The following GRID2IP variants were observed in gnomAD, a reference collection of about 807,000 sequenced individuals.
GRID2IP encodes the protein Grid2 interacting protein.
Under a neutral mutation model 114.3 loss-of-function variants are expected in GRID2IP, and 78 were observed. That is an observed-to-expected ratio of 0.68 (90% CI 0.57 to 0.82). The LOEUF (loss-of-function observed/expected upper bound fraction) is 0.82. Among genes scored for constraint, GRID2IP ranks in the 40% least tolerant of loss-of-function variants. GRID2IP has a pLI of 0.00. For synonymous variants in GRID2IP, 809 were observed against 724.0 expected (o/e 1.12, Z -1.89); for missense variants, 1,727 against 1,678.5 (o/e 1.03, Z -0.51).
At chr7:6,547,256 T>G (rs1779901049) in intron 1 of GRID2IP, among the ~76,000 whole-genome samples, 1 of 152,150 alleles carries the variant, frequency 6.6e-6, no homozygotes, top group Admixed American at 6.5e-5. Context: ...GTTGTTGATT[T>G]TGGGTCAGGC....
rs1779455747 is a variant in GRID2IP, at chr7:6,523,759, A to G, written c.920-1802T>C. ...GACTGGTCTCAAACTCCTGGGCTCA[A>G]GTGATCTTCCTGCCTCGGCCTCCCA... On this transcript the variant is annotated intron_variant, in intron 4 of 21. Coordinates refer to ENST00000457091, the MANE Select transcript of GRID2IP (RefSeq NM_001145118.2). The surrounding 1 kb of genome is among the most constrained non-coding windows in gnomAD (Gnocchi z 4.5). Among the ~76,000 whole-genome samples the G allele has an allele frequency of 6.6e-6, 1 of 152,036 alleles. No homozygotes were observed. Among genetic ancestry groups the G allele is most frequent in the African/African-American group, 2.4e-5 (1 of 41,414 alleles).
intron 14 of GRID2IP, among the ~76,000 whole-genome samples, chr7:6,505,316 T>C (rs530459606): frequency 6.6e-6 from 1 of 150,768 alleles, no homozygotes; most frequent in Non-Finnish European, 1.5e-5. Flanking sequence ...GATTTAGAAA[T>C]GAGAGTCCCT....
chr7:6,550,895 T>C (rs1353683390), intron 1 of GRID2IP, 113 bp downstream of exon 1: 4 of 1,152,140 alleles, frequency 3.5e-6, no homozygotes, highest in African/African-American at 1.6e-5. Flanking sequence ...CTGTTAAATC[T>C]GACCCCAGAA....
chr7:6,529,267 G>A (rs1355594326), intron 2 of GRID2IP, among the ~76,000 whole-genome samples: 3 of 152,072 alleles, frequency 2.0e-5, no homozygotes, highest in African/African-American at 7.2e-5. Context: ...CCTGGCCAAA[G>A]TGGTGAAACC....
At position 6,551,052 on chromosome 7, in the gene GRID2IP, C is replaced by G; in HGVS notation, c.385G>C (p.Val129Leu). 1 of 1,307,794 alleles carries G rather than the reference C, an allele frequency of 7.6e-7. No individual in the cohort carries two copies. The highest frequency in any genetic ancestry group is 2.2e-5 in the South Asian group (1 of 45,382). 81.0% of individuals were successfully genotyped at this position (1,307,794 alleles called of 1,614,324 possible). The change falls in exon 1 of 22, where the codon GTG becomes CTG. Residue 129 changes from valine to leucine, a missense_variant. Transcript: ENST00000457091. Reference protein sequence around the residue: ...RLAGRKRPDAVHRERRRKAQE... With the variant: ...RLAGRKRPDALHRERRRKAQE... ...GCCTTGCGCCTGCGCTCTCGGTGCA[C>G]CGCGTCCGGGCGCTTGCGGCCGGCC...
In GRID2IP at chr7:6,503,166, G is replaced by A. The variant is rs543440511; in HGVS notation, c.2908-3C>T. ...TTGTATTCGGGAACTGACAGCATCT[G>A]CCTCGAAGGCAGAGCCAGGATTCAC... On this transcript the variant is annotated splice_region_variant and splice_polypyrimidine_tract_variant and intron_variant, in intron 16 of 21. Transcript: ENST00000457091. 1.3e-4 allele frequency: 197 copies of A among 1,476,948 alleles called. No individual in the cohort carries two copies. The South Asian group carries it at 2.3e-3, about 17-fold the overall frequency. 91.5% of individuals were successfully genotyped at this position (1,476,948 alleles called of 1,614,324 possible).
At position 6,510,695 on chromosome 7, in the gene GRID2IP, A is replaced by G. The variant is rs1779128920; in HGVS notation, c.1567T>C (p.Cys523Arg). 6.5e-7 allele frequency: 1 copy of G among 1,547,714 alleles called. No individual in the cohort carries two copies. The change falls in exon 10 of 22, where the codon TGC becomes CGC. Residue 523 changes from cysteine to arginine, a missense_variant. Transcript: ENST00000457091. ...ATCAGGGGAAGAGGCATCTCAGGGC[A>G]CTCGCTGGGACCTACCGGGGAATAA... ...EAGLSCGPSECPEMPLPLIPG... is the reference protein window; with the variant it reads ...EAGLSCGPSERPEMPLPLIPG...
At chr7:6,541,589 C>A (rs1373583349) in intron 1 of GRID2IP, among the ~76,000 whole-genome samples, 19 of 152,106 alleles carry the variant, frequency 1.2e-4, no homozygotes, top group Non-Finnish European at 7.4e-5. Flanking sequence ...CAAATGGACA[C>A]GTTGGAAACG....
intron 4 of GRID2IP, among the ~76,000 whole-genome samples, chr7:6,524,425 A>AG (rs1029480864): frequency 3.5e-4 from 54 of 152,210 alleles, no homozygotes; most frequent in African/African-American, 1.3e-3. Flanking sequence ...ACAGGGAGGG[A>AG]GAATTCAATT....
rs1779250911 is a variant in GRID2IP at position 6,514,432 on chromosome 7, C to G, written c.1366G>C (p.Glu456Gln). The G allele has an allele frequency of 6.5e-7, 1 of 1,549,456 alleles. No individual in the cohort carries two copies. Among genetic ancestry groups the G allele is most frequent in the African/African-American group, 1.4e-5 (1 of 73,022 alleles). Residue 456 changes from glutamate (E) to glutamine (Q), a missense_variant, in exon 8 of 22, where the codon GAG becomes CAG. Transcript: ENST00000457091. ...ATTTTCTCCTGACAGAGCTCCTGCT[C>G]CTCATAGGTCAGCAGCTGGTAGATG... Reference protein sequence around the residue: ...QFIYQLLTYEEQELCQEKIAC... With the variant: ...QFIYQLLTYEQQELCQEKIAC...
chr7:6,531,016 G>GACCA, intron 2 of GRID2IP: 1 of 639,890 alleles, frequency 1.6e-6, no homozygotes, highest in Non-Finnish European at 2.8e-6. Flanking sequence ...GCGGATCCGT[G>GACCA]GCGCAGAGGG....
chr7:6,548,148 T>C (rs1049816373), intron 1 of GRID2IP, among the ~76,000 whole-genome samples: 4 of 152,004 alleles, frequency 2.6e-5, no homozygotes, highest in African/African-American at 4.8e-5. Context: ...AGGTCAGGAG[T>C]TCAAGACCAG....
At chr7:6,512,083 A>G (rs28730928) in intron 8 of GRID2IP, among the ~76,000 whole-genome samples, 1 of 139,794 alleles carries the variant, frequency 7.2e-6, no homozygotes, top group Non-Finnish European at 1.6e-5. Context: ...AAATTTTTGT[A>G]TTTTTTTTTT....
Position 6,510,187 on chromosome 7 carries a change from A to C in GRID2IP, c.1771+96T>G, listed in dbSNP as rs1390167582. ...ACAGGGCCATGGGAGGGACTGGGAC[A>C]ACCCTGACCCTGATGGAGCAGAGAA... On this transcript the variant is annotated intron_variant, in intron 11 of 21. Transcript: ENST00000457091. 3 of 759,662 alleles carry C rather than the reference A, an allele frequency of 3.9e-6. No homozygotes were observed. The Admixed American group carries it at 9.3e-5, about 24-fold the overall frequency. The allele number at this position is 759,662 out of a possible 1,614,324, so 47.1% of individuals were successfully genotyped here.
chr7:6,503,671 G>C lies in GRID2IP; in HGVS notation c.2727C>G (p.His909Gln), dbSNP rs1172250246. 2.0e-6 allele frequency: 3 copies of C among 1,506,874 alleles called. No homozygotes were observed. Among genetic ancestry groups the C allele is most frequent in the Admixed American group, 4.3e-5 (2 of 46,806 alleles). 93.3% of individuals were successfully genotyped at this position (1,506,874 alleles called of 1,614,324 possible). A position where few individuals can be genotyped will look rare whatever the true frequency, so the allele number is the denominator to read the frequency against. The change falls in exon 16 of 22, where the codon CAC becomes CAG. Residue 909 changes from histidine (H) to glutamine (Q), a missense_variant. Coordinates refer to ENST00000457091, the MANE Select transcript of GRID2IP (RefSeq NM_001145118.2). ...KAYNTSILLA[H>Q]LKLSPAELRQ... ...GCAGCTCCGCGGGGCTCAGCTTCAG[G>C]TGTGCCAAGAGGATGGCTGCGGGCG...
Position 6,514,491 on chromosome 7 carries a change from A to T in GRID2IP, c.1307T>A (p.Leu436Gln). The change falls in exon 8 of 22, where the codon CTG (leucine) becomes CAG (glutamine). Residue 436 changes from leucine to glutamine, a missense_variant. Physicochemically the swap from Leu to Gln is moderately radical, Grantham distance 113. Transcript: ENST00000457091. ...CAGGACCTGCTTGGCAGGGGTGTCC[A>T]GCACAGGGTAGACGTCAACGATGAG... ...DTLIVDVYPV[L>Q]DTPAKQVLWQ... is the part of the protein sequence containing the mutation. The T allele has an allele frequency of 6.5e-7, 1 of 1,547,076 alleles. No individual in the cohort carries two copies. Among genetic ancestry groups the T allele is most frequent in the Non-Finnish European group, 8.7e-7 (1 of 1,144,944 alleles).
Position 6,551,125 on chromosome 7 carries a change from G to A in GRID2IP, c.312C>T (p.Ala104=). 7.7e-7 allele frequency: 1 copy of A among 1,299,858 alleles called. No individual in the cohort carries two copies. 80.5% of individuals were successfully genotyped at this position (1,299,858 alleles called of 1,614,324 possible). ...GAGCTAGGCCGCGGCCGCACCGCGG[G>A]GCCCGCAAGACTGTGGTCGGGGCCG... ...GPAAPTTVLR[A]PRCGRGLALG... Residue 104 remains alanine (A), a synonymous_variant, in exon 1 of 22, where the codon GCC becomes GCT. Transcript: ENST00000457091.
rs1275146945 is a variant in GRID2IP at position 6,502,766 on chromosome 7, C to T, written c.3150+20G>A. On this transcript the variant is annotated intron_variant, in intron 18 of 21. Coordinates refer to ENST00000457091, the MANE Select transcript of GRID2IP (RefSeq NM_001145118.2). ...GCTGGTAGAGCAAACCAGTCGATTG[C>T]TGCCGGCAGGTCCCCTCACCTCTGT... 10 of 1,536,846 alleles carry T rather than the reference C, an allele frequency of 6.5e-6. No individual in the cohort carries two copies. The Admixed American group carries it at 1.6e-4, about 24-fold the overall frequency.
In GRID2IP at chr7:6,526,944, C is replaced by T. The variant is rs1246536066; in HGVS notation, c.585-175G>A. Reference sequence around the variant, plus strand: ...GCCGGTAGCACCCCAGTCTCCCCCTCGCTGCTCGGATTTGCGCCCCCAGCT... The same window carrying T: ...GCCGGTAGCACCCCAGTCTCCCCCTTGCTGCTCGGATTTGCGCCCCCAGCT... On this transcript the variant is annotated intron_variant, in intron 2 of 21. Coordinates refer to ENST00000457091, the MANE Select transcript of GRID2IP (RefSeq NM_001145118.2). This position sits in a 1 kb window ranked among gnomAD's most constrained non-coding sequence, Gnocchi z 7.6. Among the ~76,000 whole-genome samples, 1 of 152,198 alleles carries T rather than the reference C, an allele frequency of 6.6e-6. No individual in the cohort carries two copies. Among genetic ancestry groups the T allele is most frequent in the East Asian group, 1.9e-4 (1 of 5,184 alleles).
Sources: allele counts gnomAD v4.1 joint callset (sites outside exome capture counted in the v4.1 genomes callset), GRCh38; gene constraint gnomAD v4.1.1; non-coding constraint Gnocchi (gnomAD v3.1); transcripts MANE v1.5; gene names NCBI Gene and HGNC (gene_info 2026-07-23, HGNC 2026-07-21).